The following KALRN variants were observed in gnomAD, a reference collection of about 807,000 sequenced individuals.
The protein encoded by KALRN is kalirin RhoGEF kinase.
A neutral mutation model predicts 353.7 loss-of-function variants in KALRN; 70 were observed. The observed-to-expected ratio is 0.20, with a 90% CI of 0.16 to 0.24. The LOEUF (loss-of-function observed/expected upper bound fraction) is 0.24, where lower values mean the gene tolerates loss of function less well. Among genes scored for constraint, KALRN ranks in the 10% least tolerant of loss-of-function variants. KALRN has a pLI of 1.00. For missense variants in KALRN, 2,791 were observed against 3,756.7 expected, an observed-to-expected ratio of 0.74 and a Z score of 6.72; for synonymous variants, 1,391 against 1,434.8, an observed-to-expected ratio of 0.97 and a Z score of 0.69.
chr3:124,156,403 T>C (rs1324338671), intron 1 of KALRN, among the ~76,000 whole-genome samples: 1 of 152,212 alleles, frequency 6.6e-6, no homozygotes, highest in Non-Finnish European at 1.5e-5. Context: ...CCTCTAATAG[T>C]CTCTACTTAA....
chr3:124,225,178 G>A (rs1047779771), intron 1 of KALRN, among the ~76,000 whole-genome samples: 1 of 152,142 alleles, frequency 6.6e-6, no homozygotes, highest in Non-Finnish European at 1.5e-5. Flanking sequence ...AGTGCAAATA[G>A]GTTTTATATG....
At chr3:124,389,654 CT>C (rs1364659780) in intron 11 of KALRN, among the ~76,000 whole-genome samples, 1 of 152,142 alleles carries the variant, frequency 6.6e-6, no homozygotes, top group Non-Finnish European at 1.5e-5. Flanking sequence ...CACAGTCATT[CT>C]AAATCACATT....
chr3:124,508,466 CT>C (rs1561176298), intron 33 of KALRN, among the ~76,000 whole-genome samples: 1 of 152,168 alleles, frequency 6.6e-6, no homozygotes, highest in Non-Finnish European at 1.5e-5. Context: ...TTGCTCAACA[CT>C]TATTTTTATG....
intron 5 of KALRN, among the ~76,000 whole-genome samples, chr3:124,280,363 C>T (rs373780131): frequency 6.6e-6 from 1 of 152,314 alleles, no homozygotes; most frequent in African/African-American, 2.4e-5. Flanking sequence ...CCATCTCTGT[C>T]TCCCAGGGTC....
intron 59 of KALRN, among the ~76,000 whole-genome samples, chr3:124,718,122 A>AT (rs35779082): frequency 0.45 from 57,392 of 126,918 alleles, 12,996 homozygotes; most frequent in South Asian, 0.59. Flanking sequence ...CATTATGACT[A>AT]TTTTTTTTTT....
At chr3:124,141,246 C>T (rs200404873) in intron 1 of KALRN, among the ~76,000 whole-genome samples, 1 of 152,310 alleles carries the variant, frequency 6.6e-6, no homozygotes, top group East Asian at 1.9e-4. Context: ...CCTCTTTTCA[C>T]CATGTCTTTC....
intron 33 of KALRN, among the ~76,000 whole-genome samples, chr3:124,527,226 CTG>C (rs1037692974): frequency 2.0e-5 from 3 of 152,094 alleles, no homozygotes; most frequent in Non-Finnish European, 4.4e-5. Flanking sequence ...AGTAATGAGT[CTG>C]TGAGTGTCGG....
intron 1 of KALRN, among the ~76,000 whole-genome samples, chr3:124,140,076 C>T (rs58784402): frequency 0.069 from 10,532 of 152,098 alleles, 1,205 homozygotes; most frequent in African/African-American, 0.24. Context: ...TAGGACTGAT[C>T]CCCAGTGAAG....
chr3:124,087,320 T>C (rs1041789314), intron 1 of KALRN, among the ~76,000 whole-genome samples: 1 of 152,218 alleles, frequency 6.6e-6, no homozygotes, highest in Non-Finnish European at 1.5e-5. Flanking sequence ...AGAGAAAGTC[T>C]AATTTCTTTT....
At chr3:124,291,533 A>T (rs976197864) in intron 5 of KALRN, among the ~76,000 whole-genome samples, 1 of 152,194 alleles carries the variant, frequency 6.6e-6, no homozygotes, top group Non-Finnish European at 1.5e-5. Flanking sequence ...TCGTAGTGGG[A>T]TATTTGGCTG....
chr3:124,569,522 C>T (rs2073280671), intron 34 of KALRN, among the ~76,000 whole-genome samples: 1 of 152,170 alleles, frequency 6.6e-6, no homozygotes, highest in Non-Finnish European at 1.5e-5. Flanking sequence ...ATATTTTCCT[C>T]ATCTTACAGA....
At chr3:124,163,800 T>A in intron 1 of KALRN, 1 of 985,484 alleles carries the variant, frequency 1.0e-6, no homozygotes, top group Non-Finnish European at 1.2e-6. Context: ...TCCCTGTATG[T>A]CATCTTGCTC....
intron 34 of KALRN, among the ~76,000 whole-genome samples, chr3:124,586,888 T>A (rs2075247454): frequency 6.6e-6 from 1 of 152,122 alleles, no homozygotes; most frequent in Admixed American, 6.5e-5. Context: ...GTGGCTAGGC[T>A]GGGGGTCGTG....
At chr3:124,243,959 G>A (rs544837491) in intron 3 of KALRN, among the ~76,000 whole-genome samples, 2 of 152,252 alleles carry the variant, frequency 1.3e-5, no homozygotes, top group Admixed American at 6.5e-5. Flanking sequence ...CTTTTTCAAA[G>A]TTAGGGTTAG....
intron 1 of KALRN, chr3:124,096,444 G>C (rs1361650116): frequency 6.6e-6 from 1 of 152,166 alleles, no homozygotes; most frequent in Non-Finnish European, 1.5e-5. Context: ...ACTAAGAAAA[G>C]TCCAATTAAG....
At chr3:124,119,425 C>T (rs931781510) in intron 1 of KALRN, among the ~76,000 whole-genome samples, 1 of 152,220 alleles carries the variant, frequency 6.6e-6, no homozygotes, top group African/African-American at 2.4e-5. Context: ...TGCTGTGAAT[C>T]ATTAAGACAA....
At chr3:124,209,610 GGA>G (rs1490589014) in intron 1 of KALRN, among the ~76,000 whole-genome samples, 15 of 151,656 alleles carry the variant, frequency 9.9e-5, no homozygotes, top group Middle Eastern at 3.5e-3. Context: ...AAATGCTAAA[GGA>G]ATTTGCCTAT....
intron 34 of KALRN, among the ~76,000 whole-genome samples, chr3:124,588,910 G>A (rs901158593): frequency 6.6e-6 from 1 of 152,222 alleles, no homozygotes; most frequent in South Asian, 2.1e-4. Context: ...CATTTAGACT[G>A]AGATAGTCCA....
intron 34 of KALRN, among the ~76,000 whole-genome samples, chr3:124,589,189 T>G (rs902271684): frequency 6.6e-6 from 1 of 152,216 alleles, no homozygotes; most frequent in African/African-American, 2.4e-5. Flanking sequence ...AAATATCTCT[T>G]CCTTGGTCCT....
Sources: allele counts gnomAD v4.1 joint callset (sites outside exome capture counted in the v4.1 genomes callset), GRCh38; gene constraint gnomAD v4.1.1; transcripts MANE v1.5; gene names NCBI Gene and HGNC (gene_info 2026-07-23, HGNC 2026-07-21).